SYT16: variants seen among roughly 807,000 people sequenced by gnomAD.
SYT16 encodes synaptotagmin-16.
SYT16 carries 42 observed loss-of-function variants against 61.4 expected under a neutral mutation model. The observed-to-expected ratio is 0.68, with a 90% CI of 0.53 to 0.89. The LOEUF (loss-of-function observed/expected upper bound fraction) is 0.89, where lower values mean the gene tolerates loss of function less well. Among genes scored for constraint, SYT16 ranks in the 40% least tolerant of loss-of-function variants. The pLI is 0.00. For synonymous variants in SYT16, 314 were observed against 302.3 expected, an observed-to-expected ratio of 1.04 and a Z score of -0.40; for missense variants, 804 against 807.3, an observed-to-expected ratio of 1.00 and a Z score of 0.05.
intron 4 of SYT16, among the ~76,000 whole-genome samples, chr14:62,071,385 T>G (rs2056293960): frequency 6.6e-6 from 1 of 152,224 alleles, no homozygotes; most frequent in African/African-American, 2.4e-5. Context: ...TGACAACCAT[T>G]CTAACCCTTA....
intron 1 of SYT16, among the ~76,000 whole-genome samples, chr14:61,875,745 C>A (rs965549762): frequency 6.6e-6 from 1 of 152,198 alleles, no homozygotes; most frequent in Admixed American, 6.5e-5. Flanking sequence ...GGTACCAAAC[C>A]ATGCATGCCT....
intron 1 of SYT16, among the ~76,000 whole-genome samples, chr14:61,955,424 A>G (rs75454741): frequency 0.047 from 7,093 of 152,116 alleles, 217 homozygotes; most frequent in African/African-American, 0.088. Context: ...GAAACTTGAT[A>G]TTTGTTGAAC....
intron 7 of SYT16, among the ~76,000 whole-genome samples, chr14:62,087,821 C>T (rs1024933930): frequency 6.6e-5 from 10 of 152,244 alleles, no homozygotes; most frequent in African/African-American, 2.2e-4. Context: ...AGATAGAAAC[C>T]CCCTCCCCTT....
intron 3 of SYT16, among the ~76,000 whole-genome samples, chr14:62,011,619 A>C (rs2053453070): frequency 6.6e-6 from 1 of 152,012 alleles, no homozygotes; most frequent in East Asian, 1.9e-4. Context: ...TGATTTACTG[A>C]AGAAAATGAA....
chr14:61,963,942 G>A (rs1295112324), intron 1 of SYT16, among the ~76,000 whole-genome samples: 2 of 152,156 alleles, frequency 1.3e-5, no homozygotes, highest in Non-Finnish European at 2.9e-5. Context: ...CTGGATGACA[G>A]CACATCTATT....
intron 1 of SYT16, among the ~76,000 whole-genome samples, chr14:61,822,929 G>A (rs530858082): frequency 2.0e-5 from 3 of 152,274 alleles, no homozygotes; most frequent in East Asian, 3.9e-4. Context: ...CCTTGCCAAT[G>A]TGTGAGGCAT....
At chr14:61,898,885 CTAGAG>C (rs917936739) in intron 1 of SYT16, among the ~76,000 whole-genome samples, 2 of 152,174 alleles carry the variant, frequency 1.3e-5, no homozygotes, top group East Asian at 3.9e-4. Flanking sequence ...AGGGACAACT[CTAGAG>C]AAGAGAGGGA....
intron 1 of SYT16, among the ~76,000 whole-genome samples, chr14:61,934,612 T>C (rs926793285): frequency 2.0e-5 from 3 of 152,212 alleles, no homozygotes; most frequent in East Asian, 1.9e-4. Context: ...TGAGATTTTA[T>C]TGTGGTGACC....
intron 5 of SYT16, among the ~76,000 whole-genome samples, chr14:62,077,086 A>G (rs1424476407): frequency 1.3e-5 from 2 of 152,220 alleles, no homozygotes; most frequent in African/African-American, 4.8e-5. Flanking sequence ...TTGCCTTTTA[A>G]GAAATGATTT....
intron 1 of SYT16, among the ~76,000 whole-genome samples, chr14:61,858,591 C>T (rs2046856932): frequency 6.6e-6 from 1 of 151,976 alleles, no homozygotes. Context: ...CATGAAATAC[C>T]CAGGAAAAAA....
intron 3 of SYT16, among the ~76,000 whole-genome samples, chr14:62,018,356 G>T (rs1363933263): frequency 7.8e-6 from 1 of 127,490 alleles, no homozygotes; most frequent in African/African-American, 3.1e-5. Flanking sequence ...TACCCAGGCT[G>T]GAGTGCAATG....
chr14:62,022,783 T>A (rs1414738619), intron 3 of SYT16, among the ~76,000 whole-genome samples: 1 of 152,158 alleles, frequency 6.6e-6, no homozygotes, highest in Non-Finnish European at 1.5e-5. Context: ...TTGGATTATT[T>A]CACTTAGCAA....
At chr14:62,067,476 C>T (rs1169114616) in intron 3 of SYT16, among the ~76,000 whole-genome samples, 1 of 152,088 alleles carries the variant, frequency 6.6e-6, no homozygotes, top group Admixed American at 6.5e-5. Context: ...ACAGGAGGAA[C>T]AATCTCGGCC....
intron 1 of SYT16, among the ~76,000 whole-genome samples, chr14:61,903,446 G>A (rs217650): frequency 0.91 from 138,462 of 152,282 alleles, 63,078 homozygotes; most frequent in East Asian, 0.98. Flanking sequence ...GTCTCCCTTC[G>A]TGAGATAGTA....
rs1198087857 is a variant in SYT16, at chr14:61,999,476, C to T, written c.523+2934C>T. 2.0e-5 allele frequency among the ~76,000 whole-genome samples: 3 copies of T among 151,480 alleles called. No individual in the cohort carries two copies. The South Asian group carries it at 6.2e-4, about 31-fold the overall frequency. ...CTCCCTTTATTTCCTGATATTGGTA[C>T]TTTTTGTCTTTTTTTGTTGTTGATC... On this transcript the variant is annotated intron_variant, in intron 3 of 7. Transcript: ENST00000683842.
intron 1 of SYT16, among the ~76,000 whole-genome samples, chr14:61,825,208 G>A (rs1299908543): frequency 1.3e-5 from 2 of 152,166 alleles, no homozygotes; most frequent in African/African-American, 2.4e-5. Context: ...GTTGTGGGCT[G>A]CTTTACTTGC....
chr14:61,920,935 T>G (rs1259980032), intron 1 of SYT16, among the ~76,000 whole-genome samples: 1 of 152,180 alleles, frequency 6.6e-6, no homozygotes, highest in Non-Finnish European at 1.5e-5. Flanking sequence ...ACAGTCTGAC[T>G]CCAGATGCTC....
At chr14:61,852,528 A>G (rs2046648010) in intron 1 of SYT16, among the ~76,000 whole-genome samples, 1 of 152,108 alleles carries the variant, frequency 6.6e-6, no homozygotes, top group Non-Finnish European at 1.5e-5. Flanking sequence ...CATTTTCATG[A>G]TATTGATTCT....
intron 2 of SYT16, among the ~76,000 whole-genome samples, chr14:61,983,678 A>G (rs985217473): frequency 2.0e-5 from 3 of 152,046 alleles, no homozygotes; most frequent in Non-Finnish European, 2.9e-5. Flanking sequence ...GTTGCAAGCT[A>G]CCACACCAAG....
Sources: allele counts gnomAD v4.1 joint callset (sites outside exome capture counted in the v4.1 genomes callset), GRCh38; gene constraint gnomAD v4.1.1; transcripts MANE v1.5; gene names NCBI Gene and HGNC (gene_info 2026-07-23, HGNC 2026-07-21).